The following L3MBTL4 variants were observed in gnomAD, a reference collection of about 807,000 sequenced individuals.
L3MBTL4 encodes L3MBTL histone methyl-lysine binding protein 4.
Under a neutral mutation model 84.5 loss-of-function variants are expected in L3MBTL4, and 70 were observed. The observed-to-expected ratio is 0.83, with a 90% CI of 0.68 to 1.01. The LOEUF (loss-of-function observed/expected upper bound fraction) is 1.01. Among genes scored for constraint, L3MBTL4 ranks in the 50% least tolerant of loss-of-function variants. The pLI, the probability that L3MBTL4 is intolerant of heterozygous loss-of-function variation, is 0.00. For synonymous variants in L3MBTL4, 274 were observed against 259.8 expected, an observed-to-expected ratio of 1.05 and a Z score of -0.52; for missense variants, 715 against 754.8, an observed-to-expected ratio of 0.95 and a Z score of 0.62.
chr18:5,970,747 A>G (rs2052599145), intron 16 of L3MBTL4, among the ~76,000 whole-genome samples: 1 of 152,254 alleles, frequency 6.6e-6, no homozygotes, highest in African/African-American at 2.4e-5. Flanking sequence ...TGTTTTACTA[A>G]CAGAATCTGA....
At chr18:6,316,961 T>C (rs1440506612) in intron 1 of L3MBTL4, among the ~76,000 whole-genome samples, 2 of 152,076 alleles carry the variant, frequency 1.3e-5, no homozygotes, top group African/African-American at 4.8e-5. Context: ...GGCCTGAAGC[T>C]TTAACTATTC....
intron 3 of L3MBTL4, among the ~76,000 whole-genome samples, chr18:6,303,838 C>A (rs1568462331): frequency 6.6e-6 from 1 of 152,004 alleles, no homozygotes; most frequent in Non-Finnish European, 1.5e-5. Context: ...CATACTGAAA[C>A]CCTGTCTCTA....
chr18:6,081,909 A>C (rs1332776242), intron 15 of L3MBTL4, among the ~76,000 whole-genome samples: 3 of 152,216 alleles, frequency 2.0e-5, no homozygotes, highest in East Asian at 1.9e-4. Context: ...AAAAGCAAGA[A>C]ACCGAGAAAA....
chr18:6,392,536 G>A (rs1443844811), intron 1 of L3MBTL4, among the ~76,000 whole-genome samples: 31 of 152,020 alleles, frequency 2.0e-4, no homozygotes, highest in African/African-American at 4.8e-5. Flanking sequence ...GCAACAGAAC[G>A]AGAGACTCTG....
chr18:6,098,300 C>G (rs533963769), intron 14 of L3MBTL4, among the ~76,000 whole-genome samples: 34 of 152,318 alleles, frequency 2.2e-4, no homozygotes, highest in African/African-American at 8.2e-4. Flanking sequence ...CGGCTACACC[C>G]TCAGGTGACC....
intron 1 of L3MBTL4, among the ~76,000 whole-genome samples, chr18:6,398,880 T>C (rs551668533): frequency 9.2e-5 from 14 of 152,200 alleles, no homozygotes; most frequent in African/African-American, 3.1e-4. Flanking sequence ...CCACTTTACC[T>C]ACTCAGGGGA....
intron 1 of L3MBTL4, among the ~76,000 whole-genome samples, chr18:6,343,638 G>A (rs755022242): frequency 6.7e-6 from 1 of 148,960 alleles, no homozygotes; most frequent in African/African-American, 2.5e-5. Flanking sequence ...CTCCAGCCTT[G>A]GCAACAGAGC....
chr18:6,310,895 G>A (rs999834133), intron 3 of L3MBTL4, among the ~76,000 whole-genome samples: 1 of 152,164 alleles, frequency 6.6e-6, no homozygotes, highest in African/African-American at 2.4e-5. Context: ...TTCGATCAAA[G>A]TAGATCACTC....
chr18:6,265,613 TAAGTA>T (rs1019081948), intron 4 of L3MBTL4, among the ~76,000 whole-genome samples: 16 of 152,244 alleles, frequency 1.1e-4, no homozygotes, highest in African/African-American at 3.9e-4. Context: ...GTAAAAAAAC[TAAGTA>T]AAGACACAAA....
intron 16 of L3MBTL4, among the ~76,000 whole-genome samples, chr18:6,018,063 T>C (rs1469222263): frequency 6.6e-6 from 1 of 152,140 alleles, no homozygotes; most frequent in Non-Finnish European, 1.5e-5. Flanking sequence ...TTCTTATGCA[T>C]AGTAAGGTAT....
In L3MBTL4 at chr18:6,160,524, G is replaced by A. The variant is rs374381794; in HGVS notation, c.1096+11304C>T. Among the ~76,000 whole-genome samples, 104 of 152,232 alleles carry A rather than the reference G, an allele frequency of 6.8e-4. 4 individuals are homozygous for A. The South Asian group carries it at 0.02, about 29-fold the overall frequency. On this transcript the variant is annotated intron_variant, in intron 13 of 18. Transcript: ENST00000317931. ...AGGTGGGCGGATCACCTGAGGTCAGGAGTTCAAGACCAGCCTGGCCAACAT... is the reference window on the plus strand; with the variant it reads ...AGGTGGGCGGATCACCTGAGGTCAGAAGTTCAAGACCAGCCTGGCCAACAT...
chr18:6,392,611 A>G (rs941246190), intron 1 of L3MBTL4, among the ~76,000 whole-genome samples: 4 of 152,232 alleles, frequency 2.6e-5, no homozygotes, highest in African/African-American at 9.6e-5. Context: ...ATGAAACTGG[A>G]TCCCTAATTC....
intron 1 of L3MBTL4, among the ~76,000 whole-genome samples, chr18:6,336,052 T>C (rs1401911744): frequency 6.6e-6 from 1 of 152,224 alleles, no homozygotes; most frequent in Non-Finnish European, 1.5e-5. Flanking sequence ...AGCCCTGTGA[T>C]GTCAAGTGCT....
intron 14 of L3MBTL4, among the ~76,000 whole-genome samples, chr18:6,104,937 A>G (rs2058952880): frequency 1.3e-5 from 2 of 152,144 alleles, no homozygotes. Context: ...CCTTGATAGA[A>G]ATAAGAACCC....
chr18:6,097,171 T>G (rs2058667325), intron 14 of L3MBTL4, among the ~76,000 whole-genome samples: 1 of 152,154 alleles, frequency 6.6e-6, no homozygotes, highest in Non-Finnish European at 1.5e-5. Flanking sequence ...TCATCAACAG[T>G]GAAGCAGTTG....
chr18:6,077,279 CTG>C (rs1385602823), intron 16 of L3MBTL4, among the ~76,000 whole-genome samples: 2 of 152,158 alleles, frequency 1.3e-5, no homozygotes, highest in Admixed American at 6.5e-5. Context: ...CAACTTGCCC[CTG>C]TTATGCACAA....
intron 14 of L3MBTL4, among the ~76,000 whole-genome samples, chr18:6,104,153 T>C (rs1211660634): frequency 1.3e-5 from 2 of 151,734 alleles, no homozygotes; most frequent in East Asian, 4.0e-4. Flanking sequence ...TAATTCAGCC[T>C]CTTTAGAAAA....
chr18:6,290,181 G>A (rs2049790930), intron 4 of L3MBTL4, among the ~76,000 whole-genome samples: 1 of 152,054 alleles, frequency 6.6e-6, no homozygotes, highest in South Asian at 2.1e-4. Flanking sequence ...CTCCCAAAGT[G>A]CCTGGGTTAC....
chr18:6,302,352 T>C (rs2050379894), intron 3 of L3MBTL4, among the ~76,000 whole-genome samples: 1 of 152,232 alleles, frequency 6.6e-6, no homozygotes, highest in Admixed American at 6.5e-5. Flanking sequence ...CTGGGTCTAC[T>C]ACAGTTTGTA....
Sources: gnomAD v4.1 joint callset for allele counts (sites outside exome capture counted in the v4.1 genomes callset) on GRCh38, gnomAD v4.1.1 for gene constraint, MANE v1.5 for transcripts, NCBI Gene and HGNC (gene_info 2026-07-23, HGNC 2026-07-21) for gene names.